ANTXR2: variants seen among roughly 807,000 people sequenced by gnomAD.
ANTXR2 encodes anthrax toxin receptor 2.
In ANTXR2, 44 loss-of-function variants were observed where a neutral mutation model predicts 73.7. The ratio of observed to expected loss-of-function variants is 0.60; its 90% CI spans 0.47 to 0.77. The LOEUF is 0.77. Ranked by LOEUF, ANTXR2 falls within the 30% of genes least tolerant of loss-of-function variation. ANTXR2 has a pLI of 0.00. For synonymous variants in ANTXR2, 217 were observed against 205.9 expected, an observed-to-expected ratio of 1.05 and a Z score of -0.46; for missense variants, 604 against 592.5, an observed-to-expected ratio of 1.02 and a Z score of -0.20.
intron 16 of ANTXR2, among the ~76,000 whole-genome samples, chr4:79,962,009 GA>G (rs199687909): frequency 1.3e-5 from 2 of 151,736 alleles, no homozygotes; most frequent in East Asian, 1.9e-4. Context: ...TAGATTCTTT[GA>G]AAAAAAATAT....
intron 16 of ANTXR2, among the ~76,000 whole-genome samples, chr4:79,929,434 C>T (rs1025310958): frequency 6.6e-6 from 1 of 152,124 alleles, no homozygotes; most frequent in African/African-American, 2.4e-5. Context: ...ATTGCTTGAA[C>T]CTGGGAGGTG....
chr4:79,912,078 CTT>C (rs970168107), intron 16 of ANTXR2, among the ~76,000 whole-genome samples: 5 of 151,780 alleles, frequency 3.3e-5, no homozygotes, highest in South Asian at 2.1e-4. Flanking sequence ...ATATAATACT[CTT>C]TGGATTCAAT....
At chr4:80,007,474 C>A (rs570808337) in intron 12 of ANTXR2, among the ~76,000 whole-genome samples, 2 of 152,194 alleles carry the variant, frequency 1.3e-5, no homozygotes, top group South Asian at 4.2e-4. Flanking sequence ...CCAACATCTC[C>A]ATAACTTAAT....
At chr4:79,994,636 A>G (rs1730639482) in intron 12 of ANTXR2, among the ~76,000 whole-genome samples, 1 of 151,598 alleles carries the variant, frequency 6.6e-6, no homozygotes, top group African/African-American at 2.4e-5. Context: ...CTCTCTCCAT[A>G]ACTCTTCCTT....
At chr4:80,026,812 T>C (rs557852670) in intron 10 of ANTXR2, among the ~76,000 whole-genome samples, 4 of 152,288 alleles carry the variant, frequency 2.6e-5, no homozygotes, top group South Asian at 2.1e-4. Flanking sequence ...GTATTTTAAA[T>C]TGTATCCTAT....
At chr4:80,039,521 A>G (rs1165315692) in intron 7 of ANTXR2, among the ~76,000 whole-genome samples, 1 of 152,148 alleles carries the variant, frequency 6.6e-6, no homozygotes, top group African/African-American at 2.4e-5. Context: ...TGGCCAACAA[A>G]CATACAAAAA....
At chr4:80,061,696 G>A (rs1159270434) in intron 3 of ANTXR2, among the ~76,000 whole-genome samples, 1 of 152,000 alleles carries the variant, frequency 6.6e-6, no homozygotes, top group Non-Finnish European at 1.5e-5. Context: ...ACTTAGAATT[G>A]TACTTTACCT....
At chr4:80,014,156 C>A (rs1185897780) in intron 11 of ANTXR2, among the ~76,000 whole-genome samples, 1 of 152,112 alleles carries the variant, frequency 6.6e-6, no homozygotes, top group Non-Finnish European at 1.5e-5. Context: ...TCTTCACTTA[C>A]TTTATTCATC....
chr4:79,998,556 CA>C (rs1730848393), intron 12 of ANTXR2, among the ~76,000 whole-genome samples: 1 of 152,022 alleles, frequency 6.6e-6, no homozygotes, highest in African/African-American at 2.4e-5. Flanking sequence ...GCTCTTAACT[CA>C]AAATATCCCC....
At chr4:80,060,013 C>T (rs913001135) in intron 3 of ANTXR2, among the ~76,000 whole-genome samples, 24 of 152,142 alleles carry the variant, frequency 1.6e-4, no homozygotes, top group Admixed American at 1.6e-3. Flanking sequence ...CTGTACAGTA[C>T]TTGAACTTTC....
chr4:80,007,108 C>A (rs985990720), intron 12 of ANTXR2, among the ~76,000 whole-genome samples: 1 of 152,050 alleles, frequency 6.6e-6, no homozygotes, highest in Non-Finnish European at 1.5e-5. Flanking sequence ...TATGCCTCCT[C>A]CATGGGCCAA....
At chr4:80,036,067 T>A in intron 7 of ANTXR2, 35 bp from the exon 8 acceptor site, 1 of 1,441,368 alleles carries the variant, frequency 6.9e-7, no homozygotes, top group Non-Finnish European at 9.3e-7. Context: ...TACCAAGCTA[T>A]AGATCTAAAA....
At chr4:79,910,752 T>C (rs1236722947) in intron 16 of ANTXR2, among the ~76,000 whole-genome samples, 1 of 151,344 alleles carries the variant, frequency 6.6e-6, no homozygotes, top group African/African-American at 2.4e-5. Flanking sequence ...TAAGTATGAA[T>C]CTGAGGGAGA....
intron 16 of ANTXR2, among the ~76,000 whole-genome samples, chr4:79,956,679 C>T (rs1317218144): frequency 6.6e-6 from 1 of 152,080 alleles, no homozygotes; most frequent in Non-Finnish European, 1.5e-5. Flanking sequence ...ATAAAGTATA[C>T]TCCCCTCTCC....
At chr4:79,961,957 T>G (rs2109995584) in intron 16 of ANTXR2, among the ~76,000 whole-genome samples, 1 of 152,218 alleles carries the variant, frequency 6.6e-6, no homozygotes, top group South Asian at 2.1e-4. Flanking sequence ...TAATAATGCC[T>G]ATATGGGGAG....
At chr4:79,966,212 T>TAGAC (rs79283094) in intron 16 of ANTXR2, among the ~76,000 whole-genome samples, 73,680 of 151,714 alleles carry the variant, frequency 0.49, 20,308 homozygotes, top group East Asian at 0.94. Flanking sequence ...TGTAGGTAGA[T>TAGAC]AGTTATTTAA....
At chr4:80,069,325 G>A (rs1560434433) in intron 3 of ANTXR2, 111 bp downstream of exon 3, 1 of 813,212 alleles carries the variant, frequency 1.2e-6, no homozygotes, top group Non-Finnish European at 2.0e-6. Context: ...TGAATTGTCT[G>A]TGCATCTGCT....
chr4:79,954,631 AT>A (rs1728824918), intron 16 of ANTXR2, among the ~76,000 whole-genome samples: 1 of 152,182 alleles, frequency 6.6e-6, no homozygotes, highest in African/African-American at 2.4e-5. Flanking sequence ...TGAATTTGTG[AT>A]TGAAATAATA....
At chr4:79,959,114 T>C (rs1368617766) in intron 16 of ANTXR2, among the ~76,000 whole-genome samples, 1 of 152,108 alleles carries the variant, frequency 6.6e-6, no homozygotes, top group Non-Finnish European at 1.5e-5. Context: ...CTTCATTTGT[T>C]CAAAATTTAG....
Sources: gnomAD v4.1 joint callset for allele counts (sites outside exome capture counted in the v4.1 genomes callset) on GRCh38, gnomAD v4.1.1 for gene constraint, MANE v1.5 for transcripts, NCBI Gene and HGNC (gene_info 2026-07-23, HGNC 2026-07-21) for gene names.